Variants in MCU observed in about 807,000 individuals in gnomAD.
MCU encodes mitochondrial calcium uniporter.
A neutral mutation model predicts 45.2 loss-of-function variants in MCU; 12 were observed. The ratio of observed to expected loss-of-function variants is 0.27; its 90% CI spans 0.17 to 0.43. The LOEUF is 0.43. MCU is among the 20% of genes least tolerant of loss of function. MCU has a pLI of 1.00. For synonymous variants in MCU, 160 were observed against 165.1 expected (o/e 0.97, Z 0.24); for missense variants, 324 against 436.7 (o/e 0.74, Z 2.30).
chr10:72,783,225 A>G (rs1435870129), intron 1 of MCU, among the ~76,000 whole-genome samples: 11 of 152,220 alleles, frequency 7.2e-5, no homozygotes, highest in African/African-American at 2.7e-4. Context: ...TAGGCATACC[A>G]CCTAGTTACA....
intron 1 of MCU, among the ~76,000 whole-genome samples, chr10:72,761,279 A>G (rs1318596779): frequency 6.6e-6 from 1 of 152,224 alleles, no homozygotes; most frequent in East Asian, 1.9e-4. Context: ...TTTGAGTTGT[A>G]TGTGGAACCA....
chr10:72,836,421 G>A (rs1042091425), intron 2 of MCU, among the ~76,000 whole-genome samples: 4 of 151,710 alleles, frequency 2.6e-5, no homozygotes. Context: ...CTATTATCCT[G>A]TTATATATAT....
intron 1 of MCU, among the ~76,000 whole-genome samples, chr10:72,787,907 G>C (rs1163800464): frequency 6.6e-6 from 1 of 151,806 alleles, no homozygotes; most frequent in Non-Finnish European, 1.5e-5. Flanking sequence ...AGTAGAGATG[G>C]GGTTTCACCA....
At chr10:72,827,329 A>G (rs1423260765) in intron 1 of MCU, among the ~76,000 whole-genome samples, 1 of 152,228 alleles carries the variant, frequency 6.6e-6, no homozygotes, top group African/African-American at 2.4e-5. Flanking sequence ...GACCATCTCA[A>G]TACAACACGG....
chr10:72,696,054 C>T (rs780264545), intron 1 of MCU, among the ~76,000 whole-genome samples: 12 of 141,874 alleles, frequency 8.5e-5, no homozygotes, highest in Middle Eastern at 4.0e-3. Flanking sequence ...CCCAGCTACT[C>T]GGGAGGCTGA....
chr10:72,716,018 T>C (rs1228879126), intron 1 of MCU: 1 of 346,452 alleles, frequency 2.9e-6, no homozygotes, highest in Non-Finnish European at 4.1e-6. Flanking sequence ...TTCTGCCCCC[T>C]GTTACTGTAG....
chr10:72,806,204 C>A (rs1044920044), intron 1 of MCU, among the ~76,000 whole-genome samples: 1 of 139,822 alleles, frequency 7.2e-6, no homozygotes, highest in Non-Finnish European at 1.5e-5. Flanking sequence ...GTTGCCCAGG[C>A]TGGAGTGCAA....
chr10:72,775,298 G>A (rs1369611114), intron 1 of MCU, among the ~76,000 whole-genome samples: 2 of 151,916 alleles, frequency 1.3e-5, no homozygotes, highest in African/African-American at 4.8e-5. Flanking sequence ...AATGACCAAT[G>A]GGCCAATGAA....
intron 1 of MCU, among the ~76,000 whole-genome samples, chr10:72,833,103 C>T (rs150544342): frequency 0.014 from 2,059 of 152,084 alleles, 17 homozygotes; most frequent in Non-Finnish European, 0.019. Context: ...AACAATGTGG[C>T]TACTAGAGCA....
chr10:72,732,442 A>T (rs2132686221), intron 1 of MCU, among the ~76,000 whole-genome samples: 1 of 152,316 alleles, frequency 6.6e-6, no homozygotes, highest in South Asian at 2.1e-4. Flanking sequence ...TCAGCAAGAG[A>T]TTAAACTATA....
At chr10:72,823,679 A>C (rs781435511) in intron 1 of MCU, among the ~76,000 whole-genome samples, 1 of 152,216 alleles carries the variant, frequency 6.6e-6, no homozygotes, top group African/African-American at 2.4e-5. Flanking sequence ...CAAGCAAATA[A>C]AAATAAATCC....
At chr10:72,825,443 T>A (rs773048834) in intron 1 of MCU, among the ~76,000 whole-genome samples, 2 of 152,232 alleles carry the variant, frequency 1.3e-5, no homozygotes, top group African/African-American at 2.4e-5. Flanking sequence ...CAGCCATGTT[T>A]TTTCTAAGAA....
At chr10:72,879,700 A>G (rs979700149) in intron 6 of MCU, among the ~76,000 whole-genome samples, 6 of 152,192 alleles carry the variant, frequency 3.9e-5, no homozygotes, top group Admixed American at 6.5e-5. Flanking sequence ...CTAATATTAA[A>G]TGTATAAACA....
chr10:72,879,459 A>G (rs7075988), intron 6 of MCU, among the ~76,000 whole-genome samples: 27,196 of 152,086 alleles, frequency 0.18, 4,978 homozygotes, highest in African/African-American at 0.46. Flanking sequence ...AGTATCTTCA[A>G]TTTCTAGAAA....
At chr10:72,838,740 A>G (rs1844999012) in intron 2 of MCU, among the ~76,000 whole-genome samples, 1 of 152,230 alleles carries the variant, frequency 6.6e-6, no homozygotes, top group South Asian at 2.1e-4. Flanking sequence ...TTGCGGGCAA[A>G]TAATTTTAAT....
intron 1 of MCU, among the ~76,000 whole-genome samples, chr10:72,771,946 G>A (rs1843815788): frequency 6.6e-6 from 1 of 152,174 alleles, no homozygotes; most frequent in African/African-American, 2.4e-5. Flanking sequence ...AGGACAAATA[G>A]TTTGTAAAAT....
chr10:72,859,310 G>C lies in MCU; in HGVS notation c.354G>C (p.Glu118Asp), dbSNP rs1845340991. 6.2e-7 allele frequency: 1 copy of C among 1,613,474 alleles called. No homozygotes were observed. Among genetic ancestry groups the C allele is most frequent in the African/African-American group, 1.3e-5 (1 of 74,884 alleles). Residue 118 changes from glutamate to aspartate, a missense_variant, in exon 3 of 8, where the codon GAG becomes GAC. Coordinates refer to ENST00000373053, the MANE Select transcript of MCU (RefSeq NM_138357.3). ...VGVFLRQLQEEDRGIDRVAIY... is the reference protein window; with the variant it reads ...VGVFLRQLQEDDRGIDRVAIY... ...TATTTTTACGACAACTGCAAGAAGAGGATCGGGGAATTGACAGAGTTGCTA... is the reference window on the plus strand; with the variant it reads ...TATTTTTACGACAACTGCAAGAAGACGATCGGGGAATTGACAGAGTTGCTA...
At chr10:72,801,670 T>A (rs1006690125) in intron 1 of MCU, among the ~76,000 whole-genome samples, 2 of 150,490 alleles carry the variant, frequency 1.3e-5, no homozygotes, top group Non-Finnish European at 2.9e-5. Context: ...GTAACTCTTT[T>A]TTTCTTTTTT....
chr10:72,866,428 TG>T (rs1216254218), intron 4 of MCU, among the ~76,000 whole-genome samples: 1 of 152,118 alleles, frequency 6.6e-6, no homozygotes, highest in African/African-American at 2.4e-5. Flanking sequence ...GTTTGTTTTT[TG>T]TTTTTGTTTT....
Sources: gnomAD v4.1 joint callset for allele counts (sites outside exome capture counted in the v4.1 genomes callset) on GRCh38, gnomAD v4.1.1 for gene constraint, MANE v1.5 for transcripts, NCBI Gene and HGNC (gene_info 2026-07-23, HGNC 2026-07-21) for gene names.